Variants in RALGAPB observed in about 807,000 individuals in gnomAD.
RALGAPB encodes the protein Ral GTPase activating protein non-catalytic subunit beta.
RALGAPB carries 25 observed loss-of-function variants against 161.1 expected under a neutral mutation model. The ratio of observed to expected loss-of-function variants is 0.16; its 90% CI spans 0.11 to 0.22. The LOEUF is 0.22. Among genes scored for constraint, RALGAPB ranks in the 10% least tolerant of loss-of-function variants. The pLI, the probability that RALGAPB is intolerant of heterozygous loss-of-function variation, is 1.00. For synonymous variants in RALGAPB, 629 were observed against 626.1 expected, an observed-to-expected ratio of 1.00 and a Z score of -0.07; for missense variants, 1,391 against 1,815.2, an observed-to-expected ratio of 0.77 and a Z score of 4.25.
At chr20:38,478,502 C>A (rs2084870327) in intron 1 of RALGAPB, among the ~76,000 whole-genome samples, 1 of 152,186 alleles carries the variant, frequency 6.6e-6, no homozygotes. Flanking sequence ...CTCACTGCAA[C>A]CTTCGCCTCC....
At chr20:38,544,582 C>A (rs2087093893) in intron 18 of RALGAPB, among the ~76,000 whole-genome samples, 1 of 152,194 alleles carries the variant, frequency 6.6e-6, no homozygotes, top group Non-Finnish European at 1.5e-5. Context: ...ATTCTCCTCC[C>A]TCAGCTTCCC....
intron 15 of RALGAPB, 142 bp from the exon 16 acceptor site, chr20:38,534,932 G>A: frequency 1.0e-6 from 1 of 983,246 alleles, no homozygotes; most frequent in Non-Finnish European, 1.5e-6. Flanking sequence ...ACCCAGTGGG[G>A]TGGGGAGCGT....
intron 15 of RALGAPB, 66 bp from the exon 16 acceptor site, chr20:38,535,008 C>T (rs1568950803): frequency 1.6e-5 from 25 of 1,546,364 alleles, no homozygotes; most frequent in Non-Finnish European, 1.9e-5. Flanking sequence ...GGATGCTGTG[C>T]TTCTCGTTAC....
chr20:38,552,362 A>G (rs2087408007), intron 21 of RALGAPB, among the ~76,000 whole-genome samples: 1 of 152,158 alleles, frequency 6.6e-6, no homozygotes. Flanking sequence ...GCCGGTCTCG[A>G]ACTCCTGACC....
intron 20 of RALGAPB, among the ~76,000 whole-genome samples, chr20:38,550,790 C>G (rs2087347982): frequency 6.6e-6 from 1 of 152,192 alleles, no homozygotes; most frequent in Non-Finnish European, 1.5e-5. Context: ...TGGATAACCA[C>G]TGAATGTGGG....
intron 23 of RALGAPB, among the ~76,000 whole-genome samples, chr20:38,559,822 C>T: frequency 6.6e-6 from 1 of 152,100 alleles, no homozygotes; most frequent in Non-Finnish European, 1.5e-5. Flanking sequence ...TGGCAGGAGA[C>T]TTGAAGTGCT....
chr20:38,516,566 T>C (rs1243595126), intron 7 of RALGAPB, 196 bp downstream of exon 7: 2 of 571,174 alleles, frequency 3.5e-6, no homozygotes, highest in Non-Finnish European at 5.6e-6. Flanking sequence ...TTTAGATTGG[T>C]GCAAAAGTAA....
rs186804823 is a variant in RALGAPB, at chr20:38,506,675, T to C, written c.741-2402T>C. On this transcript the variant is annotated intron_variant, in intron 5 of 29. Transcript: ENST00000262879. Reference sequence around the variant, plus strand: ...TACAGAGTGTTTCACATTTTGGATTTGTCCACATTGTTAATTACTATATTC... The same window carrying C: ...TACAGAGTGTTTCACATTTTGGATTCGTCCACATTGTTAATTACTATATTC... 3.9e-5 allele frequency among the ~76,000 whole-genome samples: 6 copies of C among 152,356 alleles called. No homozygotes were observed. The East Asian group carries it at 1.2e-3, about 29-fold the overall frequency.
At chr20:38,526,143 A>G (rs974094508) in intron 13 of RALGAPB, 101 bp downstream of exon 13, 2 of 1,293,018 alleles carry the variant, frequency 1.5e-6, no homozygotes, top group Non-Finnish European at 2.2e-6. Flanking sequence ...AACCTAATGT[A>G]GCTCTACTTA....
In RALGAPB at chr20:38,488,605, A is replaced by G. The variant is rs1317956251; in HGVS notation, c.173A>G (p.Lys58Arg). The change falls in exon 2 of 30, where the codon AAA (lysine) becomes AGA (arginine). Residue 58 changes from lysine (K) to arginine (R), a missense_variant. Physicochemically the swap from Lys to Arg is conservative, Grantham distance 26. Coordinates refer to ENST00000262879, the MANE Select transcript of RALGAPB (RefSeq NM_020336.4). The part of the protein sequence containing the change: ...PSVAGSENLL[K>R]TDKEVKWTME... ...GTGGCTGGTAGTGAGAATTTGTTAA[A>G]AACTGACAAAGAAGTAAGTGTTTCT... The G allele has an allele frequency of 6.2e-7, 1 of 1,611,408 alleles. No individual in the cohort carries two copies. The highest frequency in any genetic ancestry group is 1.3e-5 in the African/African-American group (1 of 74,856).
chr20:38,500,296 G>T (rs1468147668), intron 5 of RALGAPB, among the ~76,000 whole-genome samples: 1 of 151,264 alleles, frequency 6.6e-6, no homozygotes, highest in African/African-American at 2.4e-5. Context: ...AAGCGAGTCT[G>T]TCGGGTGCCA....
chr20:38,556,908 G>GT (rs2087604996), intron 22 of RALGAPB, among the ~76,000 whole-genome samples: 2 of 152,174 alleles, frequency 1.3e-5, no homozygotes, highest in African/African-American at 4.8e-5. Flanking sequence ...ACATGAGGCT[G>GT]TTTGTAGTTT....
At chr20:38,528,033 A>G (rs926790420) in intron 13 of RALGAPB, among the ~76,000 whole-genome samples, 3 of 152,246 alleles carry the variant, frequency 2.0e-5, no homozygotes. Flanking sequence ...TGCAGATGTC[A>G]ACAAGCCCCA....
At chr20:38,570,550 A>AT (rs2088193118) in intron 27 of RALGAPB, among the ~76,000 whole-genome samples, 1 of 152,218 alleles carries the variant, frequency 6.6e-6, no homozygotes, top group Non-Finnish European at 1.5e-5. Context: ...ATCACAGAAC[A>AT]TATTTTCTAA....
intron 9 of RALGAPB, chr20:38,520,326 T>C (rs988084470): frequency 1.3e-6 from 1 of 751,194 alleles, no homozygotes; most frequent in Admixed American, 6.3e-5. Context: ...TTTTTATTTT[T>C]TTCATAATTC....
At chr20:38,563,409 G>A (rs756116655) in intron 24 of RALGAPB, among the ~76,000 whole-genome samples, 1 of 152,144 alleles carries the variant, frequency 6.6e-6, no homozygotes, top group Non-Finnish European at 1.5e-5. Flanking sequence ...ACACTTAAAG[G>A]TTATATTCTT....
At chr20:38,562,383 T>C in intron 23 of RALGAPB, 149 bp from the exon 24 acceptor site, 1 of 656,182 alleles carries the variant, frequency 1.5e-6, no homozygotes, top group Non-Finnish European at 2.3e-6. Context: ...GGAGAATGCA[T>C]TTTTCTCTAT....
chr20:38,571,379 T>G (rs2088232353), intron 28 of RALGAPB, among the ~76,000 whole-genome samples: 1 of 152,212 alleles, frequency 6.6e-6, no homozygotes, highest in East Asian at 1.9e-4. Context: ...CTCCACATTT[T>G]TCCCTCCCTG....
rs533483939 is a variant in RALGAPB at position 38,577,160 on chromosome 20, C to G, written c.*2193C>G. 1 of 152,310 alleles carries G rather than the reference C, an allele frequency of 6.6e-6. No homozygotes were observed. Among genetic ancestry groups the G allele is most frequent in the South Asian group, 2.1e-4 (1 of 4,820 alleles). The allele number at this position is 152,310 out of a possible 1,614,324, so 9.4% of individuals were successfully genotyped here. A position where few individuals can be genotyped will look rare whatever the true frequency, so the allele number is the denominator to read the frequency against. Reference sequence around the variant, plus strand: ...GCCAGTGGAATATGGGATACCCATACCTTACCAGGCGCTGGTTCCTTCTGC... The same window carrying G: ...GCCAGTGGAATATGGGATACCCATAGCTTACCAGGCGCTGGTTCCTTCTGC... On this transcript the variant is annotated 3_prime_UTR_variant, in exon 30 of 30. Transcript: ENST00000262879.
Sources: gnomAD v4.1 joint callset for allele counts (sites outside exome capture counted in the v4.1 genomes callset) on GRCh38, gnomAD v4.1.1 for gene constraint, MANE v1.5 for transcripts, NCBI Gene and HGNC (gene_info 2026-07-23, HGNC 2026-07-21) for gene names.